Variants in EPHB2 observed in about 807,000 individuals in gnomAD.
The protein encoded by EPHB2 is ephrin type-B receptor 2.
EPHB2 carries 18 observed loss-of-function variants against 96.4 expected under a neutral mutation model. The ratio of observed to expected loss-of-function variants is 0.19; its 90% CI spans 0.13 to 0.28. EPHB2 has a LOEUF of 0.28. Among genes scored for constraint, EPHB2 ranks in the 10% least tolerant of loss-of-function variants. EPHB2 has a pLI of 1.00. For synonymous variants in EPHB2, 506 were observed against 534.1 expected, an observed-to-expected ratio of 0.95 and a Z score of 0.72; for missense variants, 989 against 1,355.4, an observed-to-expected ratio of 0.73 and a Z score of 4.25.
rs1423686271 is a variant in EPHB2, at chr1:22,916,567, G to A, written c.*2997G>A. The A allele has an allele frequency of 6.8e-6, 1 of 146,030 alleles. No individual in the cohort carries two copies. Among genetic ancestry groups the A allele is most frequent in the Non-Finnish European group, 1.5e-5 (1 of 67,524 alleles). The allele number at this position is 146,030 out of a possible 1,614,324, so 9.0% of individuals were successfully genotyped here. ...CCAACCTCTTGCTTGCTGCTCAGCG[G>A]GGAGTGGCAGGCCATGTTGCCAAGC... On this transcript the variant is annotated 3_prime_UTR_variant, in exon 16 of 16. Transcript: ENST00000374630. This position sits in a 1 kb window ranked among gnomAD's most constrained non-coding sequence, Gnocchi z 4.2.
intron 7 of EPHB2, among the ~76,000 whole-genome samples, chr1:22,895,063 C>T (rs979929393): frequency 2.0e-5 from 3 of 152,192 alleles, no homozygotes; most frequent in Non-Finnish European, 4.4e-5. Context: ...CCTTATCACA[C>T]AGTCACTTTG....
At chr1:22,831,502 A>T (rs1445611398) in intron 3 of EPHB2, among the ~76,000 whole-genome samples, 1 of 152,098 alleles carries the variant, frequency 6.6e-6, no homozygotes, top group South Asian at 2.1e-4. Flanking sequence ...ATTTCAACCC[A>T]GGAACCCTTA....
intron 5 of EPHB2, among the ~76,000 whole-genome samples, chr1:22,867,972 G>A (rs1427968017): frequency 6.6e-6 from 1 of 152,232 alleles, no homozygotes; most frequent in Non-Finnish European, 1.5e-5. Context: ...GCTCTGAGCT[G>A]GAGAAACCCA....
intron 1 of EPHB2, among the ~76,000 whole-genome samples, chr1:22,715,865 C>T (rs757314161): frequency 6.6e-6 from 1 of 152,208 alleles, no homozygotes; most frequent in Non-Finnish European, 1.5e-5. Context: ...GGGCGAGGAG[C>T]GCAGACTCCC....
chr1:22,760,251 A>C (rs903643383), intron 1 of EPHB2, among the ~76,000 whole-genome samples: 2 of 152,104 alleles, frequency 1.3e-5, no homozygotes, highest in African/African-American at 2.4e-5. Context: ...GGAGGCTCAC[A>C]GAAAATGGGG....
At chr1:22,899,587 A>G (rs1639685112) in intron 9 of EPHB2, among the ~76,000 whole-genome samples, 2 of 152,260 alleles carry the variant, frequency 1.3e-5, no homozygotes, top group Admixed American at 1.3e-4. Context: ...GCAACTATTA[A>G]CCAATACAGA....
chr1:22,794,567 G>T (rs1260309865), intron 3 of EPHB2, among the ~76,000 whole-genome samples: 3 of 152,160 alleles, frequency 2.0e-5, no homozygotes, highest in Admixed American at 1.3e-4. Context: ...GCAGGGACAG[G>T]TCTATGCCTT....
chr1:22,741,619 G>A (rs761854235), intron 1 of EPHB2, among the ~76,000 whole-genome samples: 2 of 145,778 alleles, frequency 1.4e-5, no homozygotes, highest in Non-Finnish European at 3.0e-5. Flanking sequence ...TTTGGAATGA[G>A]GTCTAAAAGC....
chr1:22,762,306 C>G (rs1291647281), intron 1 of EPHB2, among the ~76,000 whole-genome samples: 1 of 152,170 alleles, frequency 6.6e-6, no homozygotes, highest in East Asian at 1.9e-4. Context: ...TGGGCAGACT[C>G]CAGACACCCT....
At chr1:22,725,033 T>C (rs1400942658) in intron 1 of EPHB2, among the ~76,000 whole-genome samples, 1 of 152,094 alleles carries the variant, frequency 6.6e-6, no homozygotes, top group African/African-American at 2.4e-5. Context: ...CCCTCCCCCT[T>C]CTGCTCTTGG....
chr1:22,745,030 G>A (rs923318311), intron 1 of EPHB2, among the ~76,000 whole-genome samples: 2 of 152,340 alleles, frequency 1.3e-5, no homozygotes. Context: ...GAAAGTCCAA[G>A]CATAAGTGGA....
chr1:22,776,175 T>G (rs1644448855), intron 1 of EPHB2, among the ~76,000 whole-genome samples: 2 of 152,186 alleles, frequency 1.3e-5, no homozygotes, highest in South Asian at 2.1e-4. Flanking sequence ...CAGCCAGCGC[T>G]TGATTCCCAC....
chr1:22,819,217 C>CTCTCTCTG, intron 3 of EPHB2, among the ~76,000 whole-genome samples: 1 of 146,056 alleles, frequency 6.8e-6, no homozygotes, highest in Admixed American at 6.8e-5. Flanking sequence ...CTCTCTCTCT[C>CTCTCTCTG]TCTCTCTCTC....
chr1:22,756,475 A>G (rs1644152507), intron 1 of EPHB2, among the ~76,000 whole-genome samples: 1 of 152,046 alleles, frequency 6.6e-6, no homozygotes, highest in Non-Finnish European at 1.5e-5. Flanking sequence ...ACTGGGCCCC[A>G]GTCCTTCCCT....
chr1:22,776,657 T>G (rs1216670149), intron 1 of EPHB2, among the ~76,000 whole-genome samples: 3 of 152,244 alleles, frequency 2.0e-5, no homozygotes, highest in African/African-American at 7.2e-5. Context: ...CAAGAGATAT[T>G]GGTTTTCCAT....
intron 3 of EPHB2, among the ~76,000 whole-genome samples, chr1:22,853,777 C>T (rs1267472578): frequency 6.6e-6 from 1 of 152,152 alleles, no homozygotes; most frequent in African/African-American, 2.4e-5. Context: ...CCAGGTGGAC[C>T]GTGGAAGGGG....
intron 1 of EPHB2, among the ~76,000 whole-genome samples, chr1:22,725,266 G>T (rs1041821303): frequency 6.6e-6 from 1 of 152,104 alleles, no homozygotes; most frequent in Non-Finnish European, 1.5e-5. Context: ...AAGGATAAGT[G>T]CATGGATTGG....
intron 6 of EPHB2, among the ~76,000 whole-genome samples, chr1:22,885,020 T>G (rs1240849693): frequency 6.6e-6 from 1 of 152,198 alleles, no homozygotes; most frequent in African/African-American, 2.4e-5. Flanking sequence ...AAGAGCTGTT[T>G]GTTGGATGAC....
intron 1 of EPHB2, among the ~76,000 whole-genome samples, chr1:22,731,597 T>C (rs1057138833): frequency 2.7e-4 from 41 of 152,278 alleles, no homozygotes; most frequent in Admixed American, 2.3e-3. Flanking sequence ...CCCAGCACTT[T>C]GGGAGGCCGA....
Sources: allele counts gnomAD v4.1 joint callset (sites outside exome capture counted in the v4.1 genomes callset), GRCh38; gene constraint gnomAD v4.1.1; non-coding constraint Gnocchi (gnomAD v3.1); transcripts MANE v1.5; gene names NCBI Gene and HGNC (gene_info 2026-07-23, HGNC 2026-07-21).